The following DBNDD1 variants were observed in gnomAD, a reference collection of about 807,000 sequenced individuals.
DBNDD1 encodes dysbindin domain-containing protein 1.
Under a neutral mutation model 17.0 loss-of-function variants are expected in DBNDD1, and 14 were observed. The ratio of observed to expected loss-of-function variants is 0.82; its 90% CI spans 0.54 to 1.29. The LOEUF (loss-of-function observed/expected upper bound fraction) is 1.29, where lower values mean the gene tolerates loss of function less well. Ranked by LOEUF, DBNDD1 falls within the 50% of genes most tolerant of loss-of-function variation. The pLI is 0.00. For synonymous variants in DBNDD1, 105 were observed against 102.0 expected (o/e 1.03, Z -0.18); for missense variants, 221 against 216.2 (o/e 1.02, Z -0.14).
At chr16:90,016,504 G>A (rs2035645143) in intron 1 of DBNDD1, among the ~76,000 whole-genome samples, 1 of 152,166 alleles carries the variant, frequency 6.6e-6, no homozygotes, top group Admixed American at 6.5e-5. Flanking sequence ...ACCCCAGAGT[G>A]TGGGGACACA....
At position 90,006,211 on chromosome 16, in the gene DBNDD1, G is replaced by C. The variant is rs1301592390; in HGVS notation, c.*124C>G. Reference sequence around the variant, plus strand: ...TGGCAGAGAGCTGCCCCCAGGGTGTGTGTCAGGAGGTGACGGCTGGAGCCT... The same window carrying C: ...TGGCAGAGAGCTGCCCCCAGGGTGTCTGTCAGGAGGTGACGGCTGGAGCCT... On this transcript the variant is annotated 3_prime_UTR_variant, in exon 4 of 4. Transcript: ENST00000002501. 7.7e-7 allele frequency: 1 copy of C among 1,306,992 alleles called. No individual in the cohort carries two copies. Among genetic ancestry groups the C allele is most frequent in the African/African-American group, 1.5e-5 (1 of 67,972 alleles). 81.0% of individuals were successfully genotyped at this position (1,306,992 alleles called of 1,614,324 possible). A position where few individuals can be genotyped will look rare whatever the true frequency, so the allele number is the denominator to read the frequency against.
At chr16:90,016,289 C>T (rs183157763) in intron 1 of DBNDD1, among the ~76,000 whole-genome samples, 22 of 152,312 alleles carry the variant, frequency 1.4e-4, no homozygotes, top group African/African-American at 3.4e-4. Flanking sequence ...TGAGGGACTG[C>T]GCTAGGAATC....
rs764905319 is a variant in DBNDD1 at position 90,008,821 on chromosome 16, G to C, written c.282C>G (p.Asp94Glu). The C allele has an allele frequency of 3.7e-6, 6 of 1,604,154 alleles. No individual in the cohort carries two copies. The highest frequency in any genetic ancestry group is 5.1e-6 in the Non-Finnish European group (6 of 1,173,404). The change falls in exon 3 of 4, where the codon GAC (aspartate) becomes GAG (glutamate). Residue 94 changes from aspartate to glutamate, a missense_variant. Transcript: ENST00000002501. ...CGGTGTTGAGGTTCTCGTCGTCCGA[G>C]TCAGCAAAGACCTCGGCCAGCTCCT... Reference protein sequence around the residue: ...SDQELAEVFADSDDENLNTES... With the variant: ...SDQELAEVFAESDDENLNTES...
intron 1 of DBNDD1, among the ~76,000 whole-genome samples, chr16:90,015,297 C>T (rs1567836152): frequency 6.6e-6 from 1 of 152,268 alleles, no homozygotes; most frequent in South Asian, 2.1e-4. Flanking sequence ...AGACCTGAGC[C>T]CCCAGGAGGG....
At chr16:90,010,929 C>T (rs1038921749) in intron 1 of DBNDD1, among the ~76,000 whole-genome samples, 1 of 149,272 alleles carries the variant, frequency 6.7e-6, no homozygotes, top group Admixed American at 6.6e-5. Context: ...AAAGCGCTGG[C>T]TTCCTTCCCC....
Position 90,019,301 on chromosome 16 carries a change from C to T in DBNDD1, c.31+10G>A. The T allele has an allele frequency of 5.7e-6, 7 of 1,218,248 alleles. No individual in the cohort carries two copies. The highest frequency in any genetic ancestry group is 4.1e-5 in the South Asian group (1 of 24,210). 75.5% of individuals were successfully genotyped at this position (1,218,248 alleles called of 1,614,324 possible). On this transcript the variant is annotated intron_variant, in intron 1 of 3. Transcript: ENST00000002501. The surrounding 1 kb of genome is among the most constrained non-coding windows in gnomAD (Gnocchi z 6.1). ...TGCGCGGGGGTCTCGGGGGCTGGGG[C>T]TGAACTCACCTCCGGTGCCGGCGCC...
At position 90,008,887 on chromosome 16, in the gene DBNDD1, G is replaced by T. The variant is rs764814543; in HGVS notation, c.216C>A (p.Phe72Leu). 1 of 1,589,070 alleles carries T rather than the reference G, an allele frequency of 6.3e-7. No individual in the cohort carries two copies. Among genetic ancestry groups the T allele is most frequent in the East Asian group, 2.3e-5 (1 of 43,970 alleles). ...TGAGCTCAGTGAGGTCCAGGAGGTC[G>T]AAGTGGACCTCCAGAGAGGAGACGC... is the stretch of plus-strand genomic sequence containing the variant. The part of the protein sequence containing the change: ...LSSVSSLEVH[F>L]DLLDLTELTD... The change falls in exon 3 of 4, where the codon TTC (phenylalanine) becomes TTA (leucine). Residue 72 changes from phenylalanine to leucine, a missense_variant. Physicochemically the swap from Phe to Leu is conservative, Grantham distance 22 (BLOSUM62 0). Coordinates refer to ENST00000002501, the MANE Select transcript of DBNDD1 (RefSeq NM_001042610.3).
At chr16:90,015,005 CAAAA>C (rs35736879) in intron 1 of DBNDD1, among the ~76,000 whole-genome samples, 1 of 140,610 alleles carries the variant, frequency 7.1e-6, no homozygotes, top group Non-Finnish European at 1.5e-5. Flanking sequence ...ACTCTTGTTT[CAAAA>C]AAAAAAAAAA....
intron 1 of DBNDD1, among the ~76,000 whole-genome samples, chr16:90,013,740 C>G (rs2035593926): frequency 6.6e-6 from 1 of 152,204 alleles, no homozygotes; most frequent in Admixed American, 6.5e-5. Context: ...ACCAAGACTT[C>G]CGAATCACCC....
At position 90,006,263 on chromosome 16, in the gene DBNDD1, G is replaced by T; in HGVS notation, c.*72C>A. On this transcript the variant is annotated 3_prime_UTR_variant, in exon 4 of 4. Transcript: ENST00000002501. ...GTGGGCGGGTGAAGTGTGTCTGCTG[G>T]GTCAGCACTGCCCAGATCTGCCATC... 6.6e-7 allele frequency: 1 copy of T among 1,514,830 alleles called. No homozygotes were observed. Among genetic ancestry groups the T allele is most frequent in the Non-Finnish European group, 8.9e-7 (1 of 1,125,868 alleles). 93.8% of individuals were successfully genotyped at this position (1,514,830 alleles called of 1,614,324 possible).
chr16:90,017,539 A>T (rs1401543502), intron 1 of DBNDD1, among the ~76,000 whole-genome samples: 1 of 152,182 alleles, frequency 6.6e-6, no homozygotes, highest in Non-Finnish European at 1.5e-5. Flanking sequence ...TGAATTATTT[A>T]TCAGTGAAAT....
rs565444936 is a variant in DBNDD1 at position 90,014,722 on chromosome 16, C to T, written c.31+4589G>A. ...AGTTGACTCTTAAGAAGTATCCTTT[C>T]GGCCGGGCGCGGTGGCTCACGCCTG... On this transcript the variant is annotated intron_variant, in intron 1 of 3. Coordinates refer to ENST00000002501, the MANE Select transcript of DBNDD1 (RefSeq NM_001042610.3). Among the ~76,000 whole-genome samples, 12 of 151,962 alleles carry T rather than the reference C, an allele frequency of 7.9e-5. No homozygotes were observed. The South Asian group carries it at 1.7e-3, about 21-fold the overall frequency.
rs896023766 is a variant in DBNDD1, at chr16:90,019,175, C to A, written c.31+136G>T. Reference sequence around the variant, plus strand: ...CCGCGCCCGGGAGGTGCCCCTGGCCCGCCGGACGACCCCGAGCTGCCAAAG... The same window carrying A: ...CCGCGCCCGGGAGGTGCCCCTGGCCAGCCGGACGACCCCGAGCTGCCAAAG... On this transcript the variant is annotated intron_variant, in intron 1 of 3. Transcript: ENST00000002501. This position sits in a 1 kb window ranked among gnomAD's most constrained non-coding sequence, Gnocchi z 6.1. 3.4e-5 allele frequency: 13 copies of A among 381,842 alleles called. No individual in the cohort carries two copies. The highest frequency in any genetic ancestry group is 1.5e-3 in the Middle Eastern group (2 of 1,328). 23.7% of individuals were successfully genotyped at this position (381,842 alleles called of 1,614,324 possible). A position where few individuals can be genotyped will look rare whatever the true frequency, so the allele number is the denominator to read the frequency against.
At chr16:90,018,929 C>T (rs2035705386) in intron 1 of DBNDD1, among the ~76,000 whole-genome samples, 1 of 152,240 alleles carries the variant, frequency 6.6e-6, no homozygotes, top group South Asian at 2.1e-4. Context: ...TGCAAGCGGC[C>T]AGCGTCGCCC....
At chr16:90,008,030 C>T (rs1486136454) in intron 3 of DBNDD1, among the ~76,000 whole-genome samples, 2 of 98,702 alleles carry the variant, frequency 2.0e-5, no homozygotes, top group African/African-American at 3.8e-5. Flanking sequence ...CCTCCCAGGA[C>T]GTCCCAAGGG....
At position 90,006,496 on chromosome 16, in the gene DBNDD1, G is replaced by C; in HGVS notation, c.320-4C>G. ...GCCCGGGGCAGCGGGTGCAGACCTA[G>C]GGGCATGCGGGAAGGGGAACTCGGT... is the stretch of plus-strand genomic sequence containing the variant. On this transcript the variant is annotated splice_region_variant and splice_polypyrimidine_tract_variant and intron_variant, in intron 3 of 3. Coordinates refer to ENST00000002501, the MANE Select transcript of DBNDD1 (RefSeq NM_001042610.3). 3.8e-6 allele frequency: 6 copies of C among 1,595,368 alleles called. No homozygotes were observed. Among genetic ancestry groups the C allele is most frequent in the Non-Finnish European group, 5.1e-6 (6 of 1,177,772 alleles).
intron 2 of DBNDD1, 86 bp from the exon 3 acceptor site, chr16:90,009,010 G>A (rs1490229328): frequency 1.4e-6 from 2 of 1,435,734 alleles, no homozygotes; most frequent in African/African-American, 2.9e-5. Context: ...AGTGTGCTGT[G>A]TCCTCCCACA....
Position 90,019,408 on chromosome 16 carries a change from C to T in DBNDD1, c.-67G>A. Reference sequence around the variant, plus strand: ...TCGCCTGGCCCGGGCGCCCCAACAGCTGCGGCAGCGACTCGGCCCCGGCTC... The same window carrying T: ...TCGCCTGGCCCGGGCGCCCCAACAGTTGCGGCAGCGACTCGGCCCCGGCTC... On this transcript the variant is annotated 5_prime_UTR_variant, in exon 1 of 4. Transcript: ENST00000002501. This position sits in a 1 kb window ranked among gnomAD's most constrained non-coding sequence, Gnocchi z 6.1. 9.4e-7 allele frequency: 1 copy of T among 1,060,604 alleles called. No individual in the cohort carries two copies. 65.7% of individuals were successfully genotyped at this position (1,060,604 alleles called of 1,614,324 possible). A position where few individuals can be genotyped will look rare whatever the true frequency, so the allele number is the denominator to read the frequency against.
In DBNDD1 at chr16:90,011,842, G is replaced by A. The variant is rs968957021; in HGVS notation, c.32-2412C>T. ...CTCTGTTCTAAGGCTGTGAGCAGGG[G>A]GACCTCCCGGACACCAGCAGGAAGA... On this transcript the variant is annotated intron_variant, in intron 1 of 3. Transcript: ENST00000002501. 1.6e-4 allele frequency: 51 copies of A among 328,732 alleles called. No homozygotes were observed. The Admixed American group carries it at 1.9e-3, about 12-fold the overall frequency. The allele number at this position is 328,732 out of a possible 1,614,324, so 20.4% of individuals were successfully genotyped here. A position where few individuals can be genotyped will look rare whatever the true frequency, so the allele number is the denominator to read the frequency against.
Sources: gnomAD v4.1 joint callset for allele counts (sites outside exome capture counted in the v4.1 genomes callset) on GRCh38, gnomAD v4.1.1 for gene constraint, Gnocchi (gnomAD v3.1) non-coding constraint, MANE v1.5 for transcripts, NCBI Gene and HGNC (gene_info 2026-07-23, HGNC 2026-07-21) for gene names.